The following BCL2L13 variants were observed in gnomAD, a reference collection of about 807,000 sequenced individuals.
BCL2L13 encodes BCL2 like 13.
In BCL2L13, 13 loss-of-function variants were observed where a neutral mutation model predicts 25.8. That is an observed-to-expected ratio of 0.50 (90% CI 0.33 to 0.80). The LOEUF (loss-of-function observed/expected upper bound fraction) is 0.80, where lower values mean the gene tolerates loss of function less well. BCL2L13 is among the 30% of genes least tolerant of loss of function. BCL2L13 has a pLI of 0.02. For missense variants in BCL2L13, 504 were observed against 574.9 expected (o/e 0.88, Z 1.26); for synonymous variants, 244 against 230.3 (o/e 1.06, Z -0.54).
In BCL2L13 at chr22:17,646,955, ATTTTTTTTTT is replaced by A. The variant is rs149460093; in HGVS notation, c.-51+8084_-51+8093del. ...TACATATATATATATATATATATAT[ATTTTTTTTTT>A]TTTTTTTTTTTTTTCTTTTTCTTTT... On this transcript the variant is annotated intron_variant, in intron 1 of 6. Coordinates refer to ENST00000317582, the MANE Select transcript of BCL2L13 (RefSeq NM_015367.4). 5.9e-4 allele frequency among the ~76,000 whole-genome samples: 13 copies of A among 22,188 alleles called. 1 individual carries two copies. The Admixed American group carries it at 6.7e-3, about 11-fold the overall frequency. 14.6% of individuals were successfully genotyped at this position (22,188 alleles called of 152,430 possible). A position where few individuals can be genotyped will look rare whatever the true frequency, so the allele number is the denominator to read the frequency against.
upstream of BCL2L13, among the ~76,000 whole-genome samples, chr22:17,635,738 C>G (rs929409458): frequency 6.6e-6 from 1 of 151,548 alleles, no homozygotes; most frequent in African/African-American, 2.4e-5. Flanking sequence ...TAGACAGAGT[C>G]TCACTCTGTC....
chr22:17,658,503 G>A (rs1455257827), intron 2 of BCL2L13, among the ~76,000 whole-genome samples: 2 of 151,436 alleles, frequency 1.3e-5, no homozygotes, highest in Non-Finnish European at 2.9e-5. Flanking sequence ...GACCATTCTG[G>A]CCAACATGAT....
chr22:17,656,539 G>A (rs977059522), intron 2 of BCL2L13, among the ~76,000 whole-genome samples: 2 of 151,200 alleles, frequency 1.3e-5, no homozygotes, highest in East Asian at 4.0e-4. Flanking sequence ...GTAGAGATGA[G>A]GTTTTGCCGT....
chr22:17,683,398 TACA>T, intron 3 of BCL2L13, 77 bp downstream of exon 3: 1 of 806,280 alleles, frequency 1.2e-6, no homozygotes, highest in Non-Finnish European at 2.0e-6. Context: ...ATTTGATTTT[TACA>T]GTGGGGTATT....
chr22:17,718,209 A>C (rs1331015702), intron 6 of BCL2L13, among the ~76,000 whole-genome samples: 1 of 152,164 alleles, frequency 6.6e-6, no homozygotes, highest in Non-Finnish European at 1.5e-5. Context: ...TAATACCAGA[A>C]AATGTTGATG....
chr22:17,694,534 AGTCTTGCACT>A (rs1187274320), intron 4 of BCL2L13, among the ~76,000 whole-genome samples: 3 of 152,038 alleles, frequency 2.0e-5, no homozygotes, highest in South Asian at 2.1e-4. Flanking sequence ...TTTAATTTTT[AGTCTTGCACT>A]GTCTTGCACT....
chr22:17,668,612 G>C (rs138564219), intron 2 of BCL2L13, among the ~76,000 whole-genome samples: 1 of 151,772 alleles, frequency 6.6e-6, no homozygotes, highest in African/African-American at 2.4e-5. Context: ...CACCACAGGC[G>C]TGCACCACGA....
At chr22:17,650,317 G>GTT (rs2058641108) in intron 1 of BCL2L13, among the ~76,000 whole-genome samples, 1 of 152,076 alleles carries the variant, frequency 6.6e-6, no homozygotes, top group Non-Finnish European at 1.5e-5. Context: ...GGACTGAAAG[G>GTT]GTTCCTCTTC....
Position 17,727,230 on chromosome 22 carries a change from T to A in BCL2L13, c.1154T>A (p.Val385Glu). 5.6e-6 allele frequency: 9 copies of A among 1,614,072 alleles called. No homozygotes were observed. Among genetic ancestry groups the A allele is most frequent in the Non-Finnish European group, 7.6e-6 (9 of 1,180,012 alleles). ...TTTGTAGAACTTGATGAAGAAGAGG[T>A]GAAAGCAGCAACAACTGAACCTACT... is the stretch of plus-strand genomic sequence containing the variant. The part of the protein sequence containing the change: ...SLFVELDEEE[V>E]KAATTEPTEV... The change falls in exon 7 of 7, where the codon GTG becomes GAG. Residue 385 changes from valine (V) to glutamate (E), a missense_variant. Physicochemically the swap from Val to Glu is moderately radical, Grantham distance 121. Coordinates refer to ENST00000317582, the MANE Select transcript of BCL2L13 (RefSeq NM_015367.4).
rs1031355672 is a variant in BCL2L13, at chr22:17,631,836, C to T, written c.-650+2831C>T. On this transcript the variant is annotated intron_variant, in intron 1 of 6. Coordinates refer to the BCL2L13 transcript ENST00000399782. ...TCCCGGGTTCAAGTGATTCTTCTGC[C>T]TCAGCCTCCTGTGTAGCTGGGACTA... is the stretch of plus-strand genomic sequence containing the variant. Among the ~76,000 whole-genome samples the T allele has an allele frequency of 5.2e-4, 77 of 148,200 alleles. 1 individual carries two copies. The highest frequency in any genetic ancestry group is 2.8e-4 in the Admixed American group (4 of 14,518).
intron 1 of BCL2L13, among the ~76,000 whole-genome samples, chr22:17,655,266 TGGA>T (rs762123099): frequency 1.3e-5 from 2 of 151,220 alleles, no homozygotes; most frequent in African/African-American, 2.4e-5. Flanking sequence ...GAATCCCTCC[TGGA>T]GGACCACCTG....
At chr22:17,636,711 G>A (rs1015499245), upstream of BCL2L13, among the ~76,000 whole-genome samples, 5 of 151,924 alleles carry the variant, frequency 3.3e-5, no homozygotes, top group African/African-American at 1.2e-4. Flanking sequence ...CAGGAGAATC[G>A]CTTGAACCCA....
chr22:17,712,291 A>G (rs2060785537), intron 6 of BCL2L13, among the ~76,000 whole-genome samples: 1 of 152,222 alleles, frequency 6.6e-6, no homozygotes, highest in Admixed American at 6.5e-5. Context: ...AATAATGAAA[A>G]AAGTTTAATC....
upstream of BCL2L13, chr22:17,638,543 C>A: frequency 1.7e-6 from 1 of 597,934 alleles, no homozygotes; most frequent in Non-Finnish European, 2.4e-6. Flanking sequence ...CCCAACCCCT[C>A]GACTCCGGAA....
chr22:17,680,689 G>A (rs1023848391), intron 2 of BCL2L13, among the ~76,000 whole-genome samples: 2 of 152,086 alleles, frequency 1.3e-5, no homozygotes, highest in African/African-American at 4.8e-5. Context: ...GCATCACTAC[G>A]TGTGTGGGGT....
intron 6 of BCL2L13, among the ~76,000 whole-genome samples, chr22:17,706,128 C>T (rs1024713874): frequency 3.9e-5 from 6 of 152,268 alleles, no homozygotes; most frequent in Admixed American, 3.9e-4. Context: ...GATCCTCCCA[C>T]CTCAGCCTCC....
At chr22:17,635,571 G>A (rs933064548), upstream of BCL2L13, among the ~76,000 whole-genome samples, 1 of 151,952 alleles carries the variant, frequency 6.6e-6, no homozygotes, top group Non-Finnish European at 1.5e-5. Flanking sequence ...CCATTGACCT[G>A]TATGTCTAGT....
intron 3 of BCL2L13, among the ~76,000 whole-genome samples, chr22:17,686,169 C>T (rs1314873209): frequency 6.6e-6 from 1 of 152,032 alleles, no homozygotes; most frequent in Non-Finnish European, 1.5e-5. Flanking sequence ...TACAAATAAT[C>T]CCGAGACCAG....
intron 6 of BCL2L13, among the ~76,000 whole-genome samples, chr22:17,710,252 G>A (rs1034651906): frequency 1.3e-5 from 2 of 151,922 alleles, no homozygotes; most frequent in Non-Finnish European, 2.9e-5. Flanking sequence ...TACATTGTAA[G>A]GTAGGGAGGC....
Sources: gnomAD v4.1 joint callset for allele counts (sites outside exome capture counted in the v4.1 genomes callset) on GRCh38, gnomAD v4.1.1 for gene constraint, MANE v1.5 for transcripts, NCBI Gene and HGNC (gene_info 2026-07-23, HGNC 2026-07-21) for gene names.